Variants in SCAF1 observed in about 807,000 individuals in gnomAD.
The protein encoded by SCAF1 is splicing factor, arginine/serine-rich 19.
Under a neutral mutation model 91.2 loss-of-function variants are expected in SCAF1, and 28 were observed. That is an observed-to-expected ratio of 0.31 (90% confidence interval 0.23 to 0.42). The LOEUF is 0.42. Among genes scored for constraint, SCAF1 ranks in the 10% least tolerant of loss-of-function variants. The probability of loss-of-function intolerance (pLI) is 1.00; values close to 1 mark genes in which losing one functional copy is unlikely to be tolerated. For missense variants in SCAF1, 1,893 were observed against 1,872.1 expected, an observed-to-expected ratio of 1.01 and a Z score of -0.21; for synonymous variants, 1,036 against 833.7, an observed-to-expected ratio of 1.24 and a Z score of -4.18.
In SCAF1 at chr19:49,645,302, G is replaced by C; in HGVS notation, c.109-52G>C. 1 of 1,593,152 alleles carries C rather than the reference G, an allele frequency of 6.3e-7. No homozygotes were observed. The highest frequency in any genetic ancestry group is 8.6e-7 in the Non-Finnish European group (1 of 1,161,444). ...GTCTGTCTCCCAAGGGGCAGAGGTTGCAAAGCATCTGCCTGGGTCCTCTGA... is the reference window on the plus strand; with the variant it reads ...GTCTGTCTCCCAAGGGGCAGAGGTTCCAAAGCATCTGCCTGGGTCCTCTGA... On this transcript the variant is annotated intron_variant, in intron 2 of 10. Coordinates refer to ENST00000360565, the MANE Select transcript of SCAF1 (RefSeq NM_021228.3). This position sits in a 1 kb window ranked among gnomAD's most constrained non-coding sequence, Gnocchi z 4.6.
chr19:49,655,509 G>C (rs1002905062), intron 9 of SCAF1, among the ~76,000 whole-genome samples: 1 of 152,176 alleles, frequency 6.6e-6, no homozygotes, highest in Non-Finnish European at 1.5e-5. Context: ...TGGGATGACA[G>C]GCACCCGCCA....
chr19:49,656,329 C>T (rs189393505), intron 9 of SCAF1, among the ~76,000 whole-genome samples: 20 of 152,324 alleles, frequency 1.3e-4, no homozygotes, highest in Admixed American at 1.1e-3. Context: ...CAGCCTGTGT[C>T]TCTTCTGGCC....
In SCAF1 at chr19:49,651,383, G is replaced by A; in HGVS notation, c.994G>A (p.Ala332Thr). The change falls in exon 7 of 11, where the codon GCC becomes ACC. Residue 332 changes from alanine to threonine, a missense_variant. Ala to Thr is a moderately conservative substitution (Grantham distance 58). This residue lies in a region of SCAF1 where 1,436 missense variants were observed against 1,306.8 expected (regional missense o/e 1.10). Transcript: ENST00000360565. Reference sequence around the variant, plus strand: ...CGCGCAGCCCACACAGCCGACTCCCGCCCCTGGAACGCCGCCCCAGGTGGA... The same window carrying A: ...CGCGCAGCCCACACAGCCGACTCCCACCCCTGGAACGCCGCCCCAGGTGGA... ...PDAQPTQPTP[A>T]PGTPPQVDST... 4 of 1,607,558 alleles carry A rather than the reference G, an allele frequency of 2.5e-6. No homozygotes were observed. The highest frequency in any genetic ancestry group is 3.4e-6 in the Non-Finnish European group (4 of 1,179,182).
Position 49,652,416 on chromosome 19 carries a change from G to A in SCAF1, c.2027G>A (p.Gly676Asp). Residue 676 changes from glycine (G) to aspartate (D), a missense_variant, in exon 7 of 11, where the codon GGT becomes GAT. This residue lies in a region of SCAF1 where 1,436 missense variants were observed against 1,306.8 expected (regional missense o/e 1.10). Transcript: ENST00000360565. The part of the protein sequence containing the change: ...APPPSGSTSC[G>D]DRDSRRRGAV... Reference sequence around the variant, plus strand: ...CCGCCCTCTGGCTCCACCTCGTGTGGTGACCGCGACAGCCGCCGCCGGGGG... The same window carrying A: ...CCGCCCTCTGGCTCCACCTCGTGTGATGACCGCGACAGCCGCCGCCGGGGG... The A allele has an allele frequency of 9.4e-6, 15 of 1,595,368 alleles. No homozygotes were observed. Among genetic ancestry groups the A allele is most frequent in the Non-Finnish European group, 1.3e-5 (15 of 1,175,136 alleles).
intron 7 of SCAF1, 44 bp from the exon 8 acceptor site, chr19:49,654,305 T>C (rs373066726): frequency 3.2e-6 from 5 of 1,559,282 alleles, no homozygotes; most frequent in Non-Finnish European, 4.4e-6. Flanking sequence ...TCCTGTCCTG[T>C]CACCTCTCCC....
chr19:49,640,765 G>T (rs540458240), upstream of SCAF1, among the ~76,000 whole-genome samples: 4 of 152,324 alleles, frequency 2.6e-5, no homozygotes, highest in South Asian at 2.1e-4. Context: ...GGACAGCAGG[G>T]TAACGGGGCA....
intron 1 of SCAF1, among the ~76,000 whole-genome samples, chr19:49,643,488 T>C (rs141500416): frequency 5.3e-4 from 81 of 152,356 alleles, no homozygotes; most frequent in African/African-American, 1.9e-3. Flanking sequence ...TATATGACCC[T>C]GTTGTTGGGG....
rs761957570 is a variant in SCAF1 at position 49,654,706 on chromosome 19, C to G, written c.3454C>G (p.Pro1152Ala). Residue 1152 changes from proline (P) to alanine (A), a missense_variant, in exon 9 of 11, where the codon CCC (proline) becomes GCC (alanine). Physicochemically the swap from Pro to Ala is conservative, Grantham distance 27 (BLOSUM62 -1). Around this residue, in one of 5 missense-constraint regions of SCAF1, gnomAD observed 1,436 missense variants for 1,306.8 expected, o/e 1.10. Coordinates refer to ENST00000360565, the MANE Select transcript of SCAF1 (RefSeq NM_021228.3). ...SSLGMTPAPV[P>A]TSLGLPPGPS... ...TCTGGGGATGACCCCAGCTCCTGTG[C>G]CCACCTCTTTGGGTCTGCCCCCTGG... 3.1e-6 allele frequency: 5 copies of G among 1,614,012 alleles called. No homozygotes were observed. The African/African-American group carries it at 6.7e-5, about 22-fold the overall frequency.
chr19:49,650,483 G>A (rs920209394), intron 6 of SCAF1, among the ~76,000 whole-genome samples: 1 of 152,164 alleles, frequency 6.6e-6, no homozygotes, highest in Admixed American at 6.6e-5. Flanking sequence ...ACCTCCTCCT[G>A]GGATGGGTCG....
In SCAF1 at chr19:49,651,332, C is replaced by G. The variant is rs2081086759; in HGVS notation, c.943C>G (p.Pro315Ala). The G allele has an allele frequency of 6.2e-7, 1 of 1,609,490 alleles. No homozygotes were observed. Among genetic ancestry groups the G allele is most frequent in the South Asian group, 1.1e-5 (1 of 91,062 alleles). ...TGACAACAGCCTGAGCCAGGACTTC[C>G]CAGGTGACGAGAGCCCCCGCCCGGA... ...YDDNSLSQDFPGDESPRPDAQ... is the reference protein window; with the variant it reads ...YDDNSLSQDFAGDESPRPDAQ... Residue 315 changes from proline (P) to alanine (A), a missense_variant, in exon 7 of 11, where the codon CCA becomes GCA. By Grantham distance (27) the Pro-to-Ala change is conservative. This residue lies in a region of SCAF1 where 1,436 missense variants were observed against 1,306.8 expected (regional missense o/e 1.10). Transcript: ENST00000360565.
rs1229991290 is a variant in SCAF1, at chr19:49,653,506, G to A, written c.3117G>A (p.Glu1039=). The A allele has an allele frequency of 1.9e-6, 3 of 1,565,970 alleles. No individual in the cohort carries two copies. The South Asian group carries it at 3.6e-5, about 19-fold the overall frequency. The stretch of plus-strand genomic sequence containing the variant: ...AGGAGGAAGAGGAAGAGGAGGAGGA[G>A]CAGCAGCCTGCTACCACCACGGCCA... ...EEEEEEEEEE[E]QQPATTTATS... is the part of the protein sequence containing the mutation. The change falls in exon 7 of 11, where the codon GAG becomes GAA. Residue 1039 remains glutamate, a synonymous_variant. Transcript: ENST00000360565.
In SCAF1 at chr19:49,657,829, T is replaced by C; in HGVS notation, c.3687T>C (p.Tyr1229=). 1 of 1,610,488 alleles carries C rather than the reference T, an allele frequency of 6.2e-7. No individual in the cohort carries two copies. The highest frequency in any genetic ancestry group is 1.1e-5 in the South Asian group (1 of 90,394). Residue 1229 remains tyrosine (Y), a synonymous_variant, in exon 10 of 11, where the codon TAT becomes TAC. Coordinates refer to ENST00000360565, the MANE Select transcript of SCAF1 (RefSeq NM_021228.3). ...EEVKLAIKPY[Y]QKKDITKEEY... ...TGAAGCTGGCCATCAAGCCATACTA[T>C]CAGAAGAAGGACATCACCAAGGAGG...
chr19:49,653,691 G>A lies in SCAF1; in HGVS notation c.3302G>A (p.Ser1101Asn). The A allele has an allele frequency of 1.3e-6, 2 of 1,571,486 alleles. No individual in the cohort carries two copies. Among genetic ancestry groups the A allele is most frequent in the African/African-American group, 1.3e-5 (1 of 74,388 alleles). Residue 1101 changes from serine (S) to asparagine (N), a missense_variant, in exon 7 of 11, where the codon AGC becomes AAC. Ser to Asn is a conservative substitution (Grantham distance 46). Coordinates refer to ENST00000360565, the MANE Select transcript of SCAF1 (RefSeq NM_021228.3). Reference sequence around the variant, plus strand: ...CCAGCTGGTGTGGACTGCACCACCAGCGGCGTCCTGGCCTGTGAGTGTCCC... The same window carrying A: ...CCAGCTGGTGTGGACTGCACCACCAACGGCGTCCTGGCCTGTGAGTGTCCC... ...NLPAGVDCTT[S>N]GVLALTALLF...
rs2081129561 is a variant in SCAF1 at position 49,654,856 on chromosome 19, G to A, written c.3604G>A (p.Gly1202Arg). ...GGGCAGCAGCAGCTCTGAGGGCCGT[G>A]GGGACACAGATAAGGTGAGCTGGCC... is the stretch of plus-strand genomic sequence containing the variant. ...REGSSSSEGR[G>R]DTDKYLKKLH... The change falls in exon 9 of 11, where the codon GGG becomes AGG. Residue 1202 changes from glycine (G) to arginine (R), a missense_variant. Transcript: ENST00000360565. The A allele has an allele frequency of 6.3e-7, 1 of 1,599,704 alleles. No homozygotes were observed. The highest frequency in any genetic ancestry group is 8.5e-7 in the Non-Finnish European group (1 of 1,171,194).
Position 49,646,181 on chromosome 19 carries a change from A to G in SCAF1, c.240A>G (p.Ser80=). The G allele has an allele frequency of 2.5e-6, 4 of 1,582,898 alleles. No homozygotes were observed. The highest frequency in any genetic ancestry group is 2.6e-6 in the Non-Finnish European group (3 of 1,165,958). The change falls in exon 4 of 11, where the codon TCA becomes TCG. Residue 80 remains serine, a synonymous_variant. Transcript: ENST00000360565. The surrounding 1 kb of genome is among the most constrained non-coding windows in gnomAD (Gnocchi z 5.6). ...SPRSEPRSQE[S]GGTDTATVLD... The stretch of plus-strand genomic sequence containing the variant: ...GGTCAGAGCCCCGTTCCCAGGAATC[A>G]GGGGGCACTGACACGGCTACTGTGA...
At position 49,646,082 on chromosome 19, in the gene SCAF1, A is replaced by G; in HGVS notation, c.167-26A>G. 1.2e-6 allele frequency: 2 copies of G among 1,603,210 alleles called. No homozygotes were observed. The highest frequency in any genetic ancestry group is 1.7e-6 in the Non-Finnish European group (2 of 1,172,458). The stretch of plus-strand genomic sequence containing the variant: ...TCTCTGCAGCAAGTCCCCTGTGTCC[A>G]ATCCCCCATGCAAATCTCTCACCAG... On this transcript the variant is annotated intron_variant, in intron 3 of 10. Transcript: ENST00000360565. This position sits in a 1 kb window ranked among gnomAD's most constrained non-coding sequence, Gnocchi z 5.6.
At position 49,646,137 on chromosome 19, in the gene SCAF1, C is replaced by T. The variant is rs373391386; in HGVS notation, c.196C>T (p.Arg66Trp). Residue 66 changes from arginine to tryptophan, a missense_variant, in exon 4 of 11, where the codon CGG becomes TGG. By Grantham distance (101) the Arg-to-Trp change is moderately radical. This residue lies in a region of SCAF1 where 270 missense variants were observed against 292.5 expected (regional missense o/e 0.92). Transcript: ENST00000360565. This position sits in a 1 kb window ranked among gnomAD's most constrained non-coding sequence, Gnocchi z 5.6. ...CTCTCGGTGTCATGGCCTTCGATGG[C>T]GGCGCTGCCGGAGTCCACGGTCAGA... ...DGSRCHGLRW[R>W]RCRSPRSEPR... is the part of the protein sequence containing the mutation. The T allele has an allele frequency of 2.2e-5, 35 of 1,611,466 alleles. No individual in the cohort carries two copies. In the African/African-American group the frequency reaches 2.9e-4, roughly 14 times the overall value.
chr19:49,655,047 A>G (rs2081130818), intron 9 of SCAF1, among the ~76,000 whole-genome samples, 177 bp downstream of exon 9: 1 of 152,190 alleles, frequency 6.6e-6, no homozygotes, highest in Admixed American at 6.5e-5. Flanking sequence ...TGAGCAGGAA[A>G]TGCGTTAGGC....
rs988157191 is a variant in SCAF1 at position 49,652,236 on chromosome 19, C to A, written c.1847C>A (p.Pro616His). 62 of 1,396,376 alleles carry A rather than the reference C, an allele frequency of 4.4e-5. No homozygotes were observed. Among genetic ancestry groups the A allele is most frequent in the Non-Finnish European group, 5.5e-5 (59 of 1,079,564 alleles). 86.5% of individuals were successfully genotyped at this position (1,396,376 alleles called of 1,614,324 possible). A position where few individuals can be genotyped will look rare whatever the true frequency, so the allele number is the denominator to read the frequency against. ...CGGCGGCGGCGCTCCGCCTCCCCGC[C>A]CCCGGCCACTTCCTCATCGTCGTCC... ...RRRRRRSASP[P>H]PATSSSSSSR... Residue 616 changes from proline (P) to histidine (H), a missense_variant, in exon 7 of 11, where the codon CCC becomes CAC. This residue lies in a region of SCAF1 where 1,436 missense variants were observed against 1,306.8 expected (regional missense o/e 1.10). Transcript: ENST00000360565.
Sources: gnomAD v4.1 joint callset for allele counts (sites outside exome capture counted in the v4.1 genomes callset) on GRCh38, gnomAD v4.1.1 for gene constraint, gnomAD v4.1.1 regional missense constraint, Gnocchi (gnomAD v3.1) non-coding constraint, MANE v1.5 for transcripts, NCBI Gene and HGNC (gene_info 2026-07-23, HGNC 2026-07-21) for gene names.